The following PALLD variants were observed in gnomAD, a reference collection of about 807,000 sequenced individuals.
The protein encoded by PALLD is palladin, cytoskeletal associated protein.
PALLD carries 61 observed loss-of-function variants against 123.5 expected under a neutral mutation model. That is an observed-to-expected ratio of 0.49 (90% CI 0.40 to 0.61). The LOEUF (loss-of-function observed/expected upper bound fraction) is 0.61, where lower values mean the gene tolerates loss of function less well. Among genes scored for constraint, PALLD ranks in the 20% least tolerant of loss-of-function variants. The pLI is 0.00. For missense variants in PALLD, 1,273 were observed against 1,377.0 expected, an observed-to-expected ratio of 0.92 and a Z score of 1.20; for synonymous variants, 465 against 496.4, an observed-to-expected ratio of 0.94 and a Z score of 0.84.
intron 10 of PALLD, among the ~76,000 whole-genome samples, chr4:168,718,233 G>C (rs1374532771): frequency 6.6e-6 from 1 of 152,150 alleles, no homozygotes; most frequent in Non-Finnish European, 1.5e-5. Context: ...TTTGACATTA[G>C]TATACAAATG....
chr4:168,531,269 A>G (rs1004135695), intron 2 of PALLD, among the ~76,000 whole-genome samples: 3 of 152,184 alleles, frequency 2.0e-5, no homozygotes, highest in African/African-American at 7.2e-5. Flanking sequence ...TAAGTAGACT[A>G]GCTATAAATT....
At chr4:168,624,698 T>G in intron 2 of PALLD, among the ~76,000 whole-genome samples, 1 of 152,112 alleles carries the variant, frequency 6.6e-6, no homozygotes, top group East Asian at 1.9e-4. Flanking sequence ...ACAAGAGAAT[T>G]GGGAAATATT....
chr4:168,710,610 A>T (rs1034595896), intron 9 of PALLD, among the ~76,000 whole-genome samples: 5 of 152,168 alleles, frequency 3.3e-5, no homozygotes, highest in African/African-American at 1.2e-4. Context: ...TTAAGAAAAG[A>T]AATGGGAGGG....
intron 10 of PALLD, among the ~76,000 whole-genome samples, chr4:168,867,731 G>C (rs139754358): frequency 6.6e-6 from 1 of 151,588 alleles, no homozygotes; most frequent in Non-Finnish European, 1.5e-5. Flanking sequence ...TATATTGTTC[G>C]TACCAGCAAG....
rs141251486 is a variant in PALLD at position 168,922,289 on chromosome 4, A to G, written c.3058+548A>G. ...TTATGCTTTGAGAAGCCTAAAAGGAAAACACATTTATGGAAAGGTTTTTAT... is the reference window on the plus strand; with the variant it reads ...TTATGCTTTGAGAAGCCTAAAAGGAGAACACATTTATGGAAAGGTTTTTAT... On this transcript the variant is annotated intron_variant, in intron 18 of 21. Transcript: ENST00000505667. 7.3e-4 allele frequency among the ~76,000 whole-genome samples: 111 copies of G among 152,288 alleles called. 1 individual carries two copies. The highest frequency in any genetic ancestry group is 1.3e-3 in the Non-Finnish European group (91 of 68,030).
chr4:168,753,206 C>T lies in PALLD; in HGVS notation c.1964+41283C>T, dbSNP rs564049845. ...CTTAATATCAATAAACTAATCCCCA[C>T]CTTACATGCCATTTAAGTACAAGGA... On this transcript the variant is annotated intron_variant, in intron 10 of 21. Transcript: ENST00000505667. 2.0e-5 allele frequency among the ~76,000 whole-genome samples: 3 copies of T among 152,162 alleles called. No homozygotes were observed. In the South Asian group the frequency reaches 6.2e-4, roughly 32 times the overall value.
chr4:168,875,051 T>TTGGAAATACATAGTATTTCCAAAATACTA (rs773593629), intron 10 of PALLD, among the ~76,000 whole-genome samples: 22 of 151,950 alleles, frequency 1.4e-4, no homozygotes, highest in Non-Finnish European at 2.9e-4. Context: ...GTCATACTAT[T>TTGGAAATACATAGTATTTCCAAAATACTA]TGGAAATACA....
intron 2 of PALLD, among the ~76,000 whole-genome samples, chr4:168,587,579 A>C (rs574880495): frequency 6.6e-6 from 1 of 152,242 alleles, no homozygotes; most frequent in East Asian, 1.9e-4. Context: ...CTGTGCCAGC[A>C]TCTCCCAACT....
chr4:168,813,938 T>A (rs908693586), intron 10 of PALLD, among the ~76,000 whole-genome samples: 4 of 152,018 alleles, frequency 2.6e-5, no homozygotes, highest in Non-Finnish European at 5.9e-5. Flanking sequence ...CCTCACAGCA[T>A]CCCTCAGGAT....
chr4:168,651,753 C>A (rs915959405), intron 2 of PALLD, among the ~76,000 whole-genome samples: 1 of 152,026 alleles, frequency 6.6e-6, no homozygotes, highest in Non-Finnish European at 1.5e-5. Context: ...TTCTACTCCT[C>A]CTCCTCAGTG....
intron 2 of PALLD, among the ~76,000 whole-genome samples, chr4:168,598,929 T>G (rs1026927492): frequency 3.0e-4 from 46 of 152,224 alleles, no homozygotes; most frequent in Admixed American, 2.3e-3. Flanking sequence ...TGAATTTTAT[T>G]TCTTTAATAA....
intron 2 of PALLD, among the ~76,000 whole-genome samples, chr4:168,557,032 TTTTTGTTTTG>T (rs56127507): frequency 0.37 from 55,755 of 150,488 alleles, 10,537 homozygotes; most frequent in East Asian, 0.65. Context: ...TTTCCACTTG[TTTTTGTTTTG>T]TTTTGTTTTG....
chr4:168,833,986 A>G (rs1225497958), intron 10 of PALLD, among the ~76,000 whole-genome samples: 1 of 149,114 alleles, frequency 6.7e-6, no homozygotes, highest in African/African-American at 2.5e-5. Context: ...GCTAGATAAT[A>G]AACAGTTTTT....
At chr4:168,512,492 C>A in intron 2 of PALLD, 80 bp downstream of exon 2, 1 of 1,305,578 alleles carries the variant, frequency 7.7e-7, no homozygotes, top group East Asian at 2.5e-5. Context: ...GAAAGATTTC[C>A]TGTGTCATTA....
intron 10 of PALLD, among the ~76,000 whole-genome samples, chr4:168,888,769 G>A (rs1319941379): frequency 6.6e-6 from 1 of 152,122 alleles, no homozygotes; most frequent in East Asian, 1.9e-4. Flanking sequence ...AGTCTGGGGA[G>A]GGGGATCACA....
In PALLD at chr4:168,830,231, CAAAAAAAAA is replaced by C. The variant is rs1156711141; in HGVS notation, c.1965-60677_1965-60669del. Reference sequence around the variant, plus strand: ...TGGGTGACAGAGTGAGACTTTGTCTCAAAAAAAAAAAAAAAAAAAAAAGTTATAGGCTGA... The same window carrying C: ...TGGGTGACAGAGTGAGACTTTGTCTCAAAAAAAAAAAAAGTTATAGGCTGA... On this transcript the variant is annotated intron_variant, in intron 10 of 21. Transcript: ENST00000505667. 8.2e-5 allele frequency among the ~76,000 whole-genome samples: 6 copies of C among 73,240 alleles called. No individual in the cohort carries two copies. The Admixed American group carries it at 9.1e-4, about 11-fold the overall frequency. 48.0% of individuals were successfully genotyped at this position (73,240 alleles called of 152,430 possible).
intron 15 of PALLD, among the ~76,000 whole-genome samples, chr4:168,913,385 C>T (rs1246618611): frequency 2.6e-5 from 4 of 152,070 alleles, no homozygotes; most frequent in South Asian, 2.1e-4. Context: ...GATCCACCTG[C>T]GTCAGCCTCC....
chr4:168,862,026 G>T (rs1300402899), intron 10 of PALLD, among the ~76,000 whole-genome samples: 1 of 151,984 alleles, frequency 6.6e-6, no homozygotes, highest in Non-Finnish European at 1.5e-5. Context: ...AATCCAATAG[G>T]GTTTGGAGGG....
intron 10 of PALLD, among the ~76,000 whole-genome samples, chr4:168,775,472 A>G (rs1490134330): frequency 6.6e-6 from 1 of 152,142 alleles, no homozygotes; most frequent in Non-Finnish European, 1.5e-5. Context: ...GTGCTTTGCA[A>G]ATATTTTCTC....
Sources: gnomAD v4.1 joint callset for allele counts (sites outside exome capture counted in the v4.1 genomes callset) on GRCh38, gnomAD v4.1.1 for gene constraint, MANE v1.5 for transcripts, NCBI Gene and HGNC (gene_info 2026-07-23, HGNC 2026-07-21) for gene names.